Variants in JMJD1C observed in about 807,000 individuals in gnomAD.
The protein encoded by JMJD1C is jumonji domain-containing protein 1C.
A neutral mutation model predicts 245.3 loss-of-function variants in JMJD1C; 31 were observed. That is an observed-to-expected ratio of 0.13 (90% CI 0.09 to 0.17). The LOEUF (loss-of-function observed/expected upper bound fraction) is 0.17, where lower values mean the gene tolerates loss of function less well. JMJD1C is among the 10% of genes least tolerant of loss of function. The pLI is 1.00. For synonymous variants in JMJD1C, 1,057 were observed against 1,017.4 expected, an observed-to-expected ratio of 1.04 and a Z score of -0.74; for missense variants, 2,691 against 3,000.2, an observed-to-expected ratio of 0.90 and a Z score of 2.41.
chr10:63,490,570 C>T (rs886502991), intron 1 of JMJD1C, among the ~76,000 whole-genome samples: 1 of 152,078 alleles, frequency 6.6e-6, no homozygotes, highest in Non-Finnish European at 1.5e-5. Context: ...TACGCGCCAC[C>T]ATGCCCAGCT....
chr10:63,390,706 C>T (rs112769208), intron 1 of JMJD1C, among the ~76,000 whole-genome samples: 5 of 152,072 alleles, frequency 3.3e-5, no homozygotes, highest in Admixed American at 3.3e-4. Flanking sequence ...AAAATTTTCC[C>T]AGGGATGCAA....
chr10:63,220,018 C>G, intron 3 of JMJD1C, 35 bp from the exon 4 acceptor site: 1 of 1,460,088 alleles, frequency 6.8e-7, no homozygotes, highest in Non-Finnish European at 9.6e-7. Context: ...GTCCATGTTA[C>G]GCTCTCCTAC....
At chr10:63,428,859 C>T (rs1950591040) in intron 1 of JMJD1C, among the ~76,000 whole-genome samples, 1 of 152,014 alleles carries the variant, frequency 6.6e-6, no homozygotes, top group African/African-American at 2.4e-5. Flanking sequence ...CAGAATCTAA[C>T]AAGAAAAAAA....
chr10:63,370,238 C>T (rs886801026), intron 2 of JMJD1C, among the ~76,000 whole-genome samples: 3 of 152,210 alleles, frequency 2.0e-5, no homozygotes, highest in Non-Finnish European at 4.4e-5. Flanking sequence ...TGAGTTATAT[C>T]AATCTTCCAG....
At chr10:63,354,368 C>T (rs1316154527) in intron 2 of JMJD1C, among the ~76,000 whole-genome samples, 2 of 152,078 alleles carry the variant, frequency 1.3e-5, no homozygotes, top group South Asian at 2.1e-4. Context: ...AACATATTGC[C>T]TATTTAATTT....
intron 2 of JMJD1C, among the ~76,000 whole-genome samples, chr10:63,274,529 C>A (rs759839409): frequency 2.0e-5 from 3 of 151,426 alleles, no homozygotes; most frequent in Non-Finnish European, 4.4e-5. Flanking sequence ...TGTGCCACTG[C>A]ACTCCAGTCT....
At chr10:63,223,031 T>A in intron 3 of JMJD1C, 1 of 1,311,336 alleles carries the variant, frequency 7.6e-7, no homozygotes, top group South Asian at 1.2e-5. Flanking sequence ...TATTAAAGTA[T>A]TTTTTCCTGG....
chr10:63,337,374 A>G (rs1360954184), intron 2 of JMJD1C, among the ~76,000 whole-genome samples: 1 of 142,022 alleles, frequency 7.0e-6, no homozygotes, highest in Non-Finnish European at 1.5e-5. Context: ...ACTGGGAGGC[A>G]AACCTTGCAG....
At chr10:63,396,457 T>C (rs537587960) in intron 1 of JMJD1C, among the ~76,000 whole-genome samples, 29 of 152,258 alleles carry the variant, frequency 1.9e-4, no homozygotes, top group South Asian at 4.1e-4. Flanking sequence ...AAGGCAAATA[T>C]AGGAGTAAAA....
intron 1 of JMJD1C, among the ~76,000 whole-genome samples, chr10:63,380,912 T>G (rs1947163628): frequency 6.6e-6 from 1 of 152,188 alleles, no homozygotes; most frequent in Non-Finnish European, 1.5e-5. Flanking sequence ...GTAATCCCAC[T>G]GCTGGGTAAA....
chr10:63,167,784 AT>A lies in JMJD1C; in HGVS notation c.*260del. ...ATAAATACATCATTTTAAATCTGGC[AT>A]TTTCACAAACATCATATACACTATA... On this transcript the variant is annotated 3_prime_UTR_variant, in exon 26 of 26. Coordinates refer to ENST00000399262, the MANE Select transcript of JMJD1C (RefSeq NM_032776.3). 3 of 309,102 alleles carry A rather than the reference AT, an allele frequency of 9.7e-6. No homozygotes were observed. The highest frequency in any genetic ancestry group is 1.8e-5 in the Non-Finnish European group (3 of 168,298). The allele number at this position is 309,102 out of a possible 1,614,324, so 19.1% of individuals were successfully genotyped here.
At chr10:63,260,247 G>A (rs1449914531) in intron 3 of JMJD1C, among the ~76,000 whole-genome samples, 1 of 152,122 alleles carries the variant, frequency 6.6e-6, no homozygotes, top group Admixed American at 6.6e-5. Flanking sequence ...TAAAAGCAAA[G>A]AGGAATGTGA....
chr10:63,213,516 A>G lies in JMJD1C; in HGVS notation c.2651T>C (p.Val884Ala). Residue 884 changes from valine to alanine, a missense_variant, in exon 8 of 26, where the codon GTT becomes GCT. Physicochemically the swap from Val to Ala is moderately conservative, Grantham distance 64 (BLOSUM62 0). Coordinates refer to ENST00000399262, the MANE Select transcript of JMJD1C (RefSeq NM_032776.3). The stretch of plus-strand genomic sequence containing the variant: ...AGCATTAACTGCATTTTCTGGGTGA[A>G]CCCACTTAGAAGAAGGCAAACCAAG... Reference protein sequence around the residue: ...SGLGLPSSKWVHPENAVNAEA... With the variant: ...SGLGLPSSKWAHPENAVNAEA... The G allele has an allele frequency of 6.2e-7, 1 of 1,606,384 alleles. No homozygotes were observed.
At chr10:63,465,054 C>T (rs993777910) in intron 1 of JMJD1C, among the ~76,000 whole-genome samples, 3 of 152,252 alleles carry the variant, frequency 2.0e-5, no homozygotes, top group African/African-American at 7.2e-5. Flanking sequence ...AGTTTTAAGT[C>T]TCGAGCTACA....
At chr10:63,484,563 A>T (rs1426673644) in intron 1 of JMJD1C, among the ~76,000 whole-genome samples, 2 of 151,966 alleles carry the variant, frequency 1.3e-5, no homozygotes, top group African/African-American at 4.8e-5. Flanking sequence ...AGATTTTGTT[A>T]AAAAAATGGA....
intron 1 of JMJD1C, among the ~76,000 whole-genome samples, chr10:63,394,301 A>AT (rs200092766): frequency 2.0e-5 from 3 of 152,150 alleles, no homozygotes; most frequent in African/African-American, 4.8e-5. Context: ...TGACAATTGA[A>AT]TTTTTTTAAA....
chr10:63,222,958 G>A (rs1848783585), intron 3 of JMJD1C: 1 of 1,476,730 alleles, frequency 6.8e-7, no homozygotes. Flanking sequence ...AAATATTGGA[G>A]ATAATGTCAG....
At chr10:63,374,362 C>T (rs1268481564) in intron 2 of JMJD1C, among the ~76,000 whole-genome samples, 2 of 152,144 alleles carry the variant, frequency 1.3e-5, no homozygotes, top group Non-Finnish European at 2.9e-5. Context: ...GCTGCATCCC[C>T]TTAGGATGTA....
intron 1 of JMJD1C, among the ~76,000 whole-genome samples, chr10:63,486,137 T>TAAAAAAAAAAAAA (rs1166721473): frequency 2.0e-4 from 15 of 73,284 alleles, no homozygotes; most frequent in African/African-American, 7.3e-4. Flanking sequence ...CAAGCAATTG[T>TAAAAAAAAAAAAA]AAAAAAAAAA....
Sources: gnomAD v4.1 joint callset for allele counts (sites outside exome capture counted in the v4.1 genomes callset) on GRCh38, gnomAD v4.1.1 for gene constraint, MANE v1.5 for transcripts, NCBI Gene and HGNC (gene_info 2026-07-23, HGNC 2026-07-21) for gene names.